The following CEP170 variants were observed in gnomAD, a reference collection of about 807,000 sequenced individuals.
The protein encoded by CEP170 is centrosomal protein of 170 kDa.
In CEP170, 21 loss-of-function variants were observed where a neutral mutation model predicts 151.9. The ratio of observed to expected loss-of-function variants is 0.14; its 90% confidence interval spans 0.10 to 0.20. The LOEUF (loss-of-function observed/expected upper bound fraction) is 0.20, where lower values mean the gene tolerates loss of function less well. CEP170 is among the 10% of genes least tolerant of loss of function. The pLI, the probability that CEP170 is intolerant of heterozygous loss-of-function variation, is 1.00. For missense variants in CEP170, 964 were observed against 1,892.9 expected, an observed-to-expected ratio of 0.51 and a Z score of 9.11; for synonymous variants, 356 against 648.8, an observed-to-expected ratio of 0.55 and a Z score of 6.86.
chr1:243,141,443 T>C (rs945206822), intron 15 of CEP170, among the ~76,000 whole-genome samples: 94 of 152,290 alleles, frequency 6.2e-4, no homozygotes, highest in African/African-American at 2.2e-3. Context: ...TGTTGCGAAT[T>C]AGTATTCTTT....
chr1:243,237,429 T>C (rs1416444262), intron 1 of CEP170, among the ~76,000 whole-genome samples: 1 of 152,200 alleles, frequency 6.6e-6, no homozygotes, highest in African/African-American at 2.4e-5. Context: ...TCTAGCTAGT[T>C]CAGCTCTCAA....
At chr1:243,138,372 T>G in intron 16 of CEP170, among the ~76,000 whole-genome samples, 1 of 150,258 alleles carries the variant, frequency 6.7e-6, no homozygotes, top group South Asian at 2.1e-4. Context: ...ATACTTCAGT[T>G]GTAACTTTCG....
intron 1 of CEP170, among the ~76,000 whole-genome samples, chr1:243,236,207 A>G (rs1355225170): frequency 1.3e-5 from 2 of 152,352 alleles, no homozygotes; most frequent in Non-Finnish European, 2.9e-5. Context: ...TTACAAATGC[A>G]GTATAAACAG....
At chr1:243,200,238 T>A (rs2060935490) in intron 6 of CEP170, among the ~76,000 whole-genome samples, 1 of 152,134 alleles carries the variant, frequency 6.6e-6, no homozygotes, top group African/African-American at 2.4e-5. Flanking sequence ...CTGGTATTCA[T>A]GGGAGTCCTG....
intron 1 of CEP170, among the ~76,000 whole-genome samples, chr1:243,243,673 A>G (rs1021980344): frequency 6.6e-6 from 1 of 151,880 alleles, no homozygotes; most frequent in African/African-American, 2.4e-5. Context: ...ACAGGTGCAC[A>G]CCACCATGCC....
intron 8 of CEP170, among the ~76,000 whole-genome samples, chr1:243,186,800 C>T (rs2059965160): frequency 6.6e-6 from 1 of 151,958 alleles, no homozygotes; most frequent in Non-Finnish European, 1.5e-5. Flanking sequence ...TTGACTCTAG[C>T]ATTAGAGATG....
At chr1:243,136,917 A>G (rs1277135201) in intron 16 of CEP170, among the ~76,000 whole-genome samples, 1 of 151,898 alleles carries the variant, frequency 6.6e-6, no homozygotes, top group African/African-American at 2.4e-5. Flanking sequence ...ATTTTGAAAA[A>G]TTTACACAAA....
rs985061484 is a variant in CEP170, at chr1:243,125,588, C to T, written c.*861G>A. The T allele has an allele frequency of 6.5e-6, 1 of 153,070 alleles. No individual in the cohort carries two copies. Among genetic ancestry groups the T allele is most frequent in the African/African-American group, 2.4e-5 (1 of 41,242 alleles). The allele number at this position is 153,070 out of a possible 1,614,324, so 9.5% of individuals were successfully genotyped here. On this transcript the variant is annotated 3_prime_UTR_variant, in exon 20 of 20. Transcript: ENST00000366542. ...GTTTTAAAAATATACTCCACCTAAA[C>T]TATCTGTCTAGTTTAATCTTTCTAG...
chr1:243,208,342 GTA>G (rs933786560), intron 4 of CEP170, among the ~76,000 whole-genome samples: 8 of 146,572 alleles, frequency 5.5e-5, no homozygotes, highest in African/African-American at 2.0e-4. Context: ...CTTTTTAGAT[GTA>G]TGTCATTTAT....
intron 15 of CEP170, chr1:243,140,330 C>A: frequency 1.8e-6 from 1 of 562,990 alleles, no homozygotes; most frequent in Non-Finnish European, 2.7e-6. Context: ...TTTCAAAATC[C>A]AAAATATATA....
chr1:243,216,740 T>C (rs143131016), intron 3 of CEP170, among the ~76,000 whole-genome samples: 3 of 152,320 alleles, frequency 2.0e-5, no homozygotes, highest in African/African-American at 7.2e-5. Context: ...CCTAGAATGA[T>C]TTATGAGTAA....
chr1:243,220,123 A>C (rs537237593), intron 3 of CEP170, among the ~76,000 whole-genome samples: 1 of 152,334 alleles, frequency 6.6e-6, no homozygotes, highest in East Asian at 1.9e-4. Flanking sequence ...TTCCTAAGTA[A>C]ACGGGCCTTT....
At chr1:243,243,370 T>C (rs1273982612) in intron 1 of CEP170, among the ~76,000 whole-genome samples, 1 of 152,146 alleles carries the variant, frequency 6.6e-6, no homozygotes, top group Non-Finnish European at 1.5e-5. Context: ...ATATAAAATT[T>C]AGAATGAATA....
chr1:243,210,770 A>AT (rs2061736042), intron 4 of CEP170, among the ~76,000 whole-genome samples: 1 of 151,642 alleles, frequency 6.6e-6, no homozygotes, highest in Admixed American at 6.6e-5. Flanking sequence ...GCGTGCCACC[A>AT]TGACTGGTTA....
intron 10 of CEP170, among the ~76,000 whole-genome samples, chr1:243,181,804 C>T (rs1326601398): frequency 6.6e-6 from 1 of 152,204 alleles, no homozygotes; most frequent in Non-Finnish European, 1.5e-5. Context: ...TTGGTTTTCT[C>T]TTATTCCTGT....
intron 13 of CEP170, among the ~76,000 whole-genome samples, chr1:243,162,276 C>T (rs369600950): frequency 1.3e-4 from 20 of 152,288 alleles, no homozygotes; most frequent in Admixed American, 3.9e-4. Context: ...AGAATAGATA[C>T]GGTAGAAAAA....
At chr1:243,184,084 A>G (rs912718716) in intron 10 of CEP170, among the ~76,000 whole-genome samples, 12 of 152,156 alleles carry the variant, frequency 7.9e-5, no homozygotes, top group Non-Finnish European at 1.3e-4. Context: ...TACTTTATGT[A>G]GAGATTCAAA....
intron 10 of CEP170, among the ~76,000 whole-genome samples, chr1:243,184,362 C>A (rs12025196): frequency 0.2 from 30,317 of 150,732 alleles, 3,351 homozygotes; most frequent in African/African-American, 0.28. Context: ...CTCTCTCTCT[C>A]TATATATATA....
chr1:243,198,490 C>T (rs1313753352), intron 7 of CEP170, among the ~76,000 whole-genome samples: 1 of 151,900 alleles, frequency 6.6e-6, no homozygotes, highest in Non-Finnish European at 1.5e-5. Context: ...CATTTCTGAA[C>T]AAAGTGGGAA....
Sources: allele counts gnomAD v4.1 joint callset (sites outside exome capture counted in the v4.1 genomes callset), GRCh38; gene constraint gnomAD v4.1.1; transcripts MANE v1.5; gene names NCBI Gene and HGNC (gene_info 2026-07-23, HGNC 2026-07-21).